Variants in MACROD2 observed in about 807,000 individuals in gnomAD.
MACROD2 encodes mono-ADP ribosylhydrolase 2, also known as ADP-ribose glycohydrolase MACROD2.
A neutral mutation model predicts 70.4 loss-of-function variants in MACROD2; 36 were observed. The ratio of observed to expected loss-of-function variants is 0.51; its 90% CI spans 0.39 to 0.68. MACROD2 has a LOEUF of 0.68. Ranked by LOEUF, MACROD2 falls within the 30% of genes least tolerant of loss-of-function variation. The probability of loss-of-function intolerance (pLI) is 0.00; values close to 1 mark genes in which losing one functional copy is unlikely to be tolerated. For missense variants in MACROD2, 496 were observed against 538.4 expected (o/e 0.92, Z 0.78); for synonymous variants, 172 against 178.8 (o/e 0.96, Z 0.30).
Position 14,256,699 on chromosome 20 carries a change from C to A in MACROD2, c.271+170971C>A, listed in dbSNP as rs567768922. Among the ~76,000 whole-genome samples the A allele has an allele frequency of 4.6e-5, 7 of 152,198 alleles. No individual in the cohort carries two copies. The South Asian group carries it at 1.5e-3, about 32-fold the overall frequency. ...GGAAAGTTTCTTGTGTCTAGTCTTT[C>A]CTATTTGTTAGGCCATAAACTTTCA... On this transcript the variant is annotated intron_variant, in intron 3 of 17. Coordinates refer to ENST00000684519, the MANE Select transcript of MACROD2 (RefSeq NM_001351661.2).
chr20:15,452,995 T>TA (rs747674270), intron 7 of MACROD2, among the ~76,000 whole-genome samples: 4 of 152,152 alleles, frequency 2.6e-5, no homozygotes, highest in African/African-American at 4.8e-5. Context: ...GGAGAGGATT[T>TA]GAGGTCCAAA....
At chr20:14,832,216 G>A (rs892208019) in intron 5 of MACROD2, among the ~76,000 whole-genome samples, 5 of 151,436 alleles carry the variant, frequency 3.3e-5, no homozygotes, top group Non-Finnish European at 7.4e-5. Context: ...CTAATTTTTT[G>A]TATTTTTTTA....
At position 15,200,428 on chromosome 20, in the gene MACROD2, G is replaced by T. The variant is rs142062033; in HGVS notation, c.419-29512G>T. 1.2e-3 allele frequency among the ~76,000 whole-genome samples: 183 copies of T among 152,296 alleles called. No homozygotes were observed. The South Asian group carries it at 0.013, about 11-fold the overall frequency. On this transcript the variant is annotated intron_variant, in intron 5 of 17. Transcript: ENST00000684519. ...GTGAGAAAAGATCAAATCACTGTTA[G>T]TAGCTGCAGAGGCTTTAAAAGACTC... is the stretch of plus-strand genomic sequence containing the variant.
intron 3 of MACROD2, among the ~76,000 whole-genome samples, chr20:14,362,285 T>C (rs894808795): frequency 1.3e-5 from 2 of 152,226 alleles, no homozygotes; most frequent in African/African-American, 4.8e-5. Flanking sequence ...CCTACTTTTA[T>C]AGATGAGAAA....
Position 14,433,951 on chromosome 20 carries a change from C to T in MACROD2, c.272-59528C>T, listed in dbSNP as rs553094973. Among the ~76,000 whole-genome samples the T allele has an allele frequency of 2.0e-5, 3 of 152,120 alleles. No individual in the cohort carries two copies. In the South Asian group the frequency reaches 6.2e-4, roughly 32 times the overall value. ...TTGCAATAATATGGCACAAAATAAA[C>T]AATTCTTTTAACCATGGTCATATAT... On this transcript the variant is annotated intron_variant, in intron 3 of 17. Coordinates refer to ENST00000684519, the MANE Select transcript of MACROD2 (RefSeq NM_001351661.2).
chr20:14,800,426 T>C (rs2072560595), intron 5 of MACROD2, among the ~76,000 whole-genome samples: 1 of 152,124 alleles, frequency 6.6e-6, no homozygotes, highest in Admixed American at 6.6e-5. Context: ...ATTAAATTAG[T>C]TTGCCCAGAT....
At chr20:14,174,659 A>G (rs1439144291) in intron 3 of MACROD2, among the ~76,000 whole-genome samples, 5 of 152,068 alleles carry the variant, frequency 3.3e-5, no homozygotes, top group Non-Finnish European at 7.4e-5. Context: ...TGCTGTGTCT[A>G]TACACGTGAT....
chr20:14,143,928 T>C (rs1418711244), intron 3 of MACROD2, among the ~76,000 whole-genome samples: 1 of 152,174 alleles, frequency 6.6e-6, no homozygotes. Context: ...TAAGGTTCCT[T>C]TCAAAGTCAA....
chr20:14,495,522 T>A (rs2084843838), intron 4 of MACROD2, among the ~76,000 whole-genome samples: 1 of 152,128 alleles, frequency 6.6e-6, no homozygotes, highest in Non-Finnish European at 1.5e-5. Context: ...TCAGAAAAAA[T>A]TACCGTTCTG....
rs1200468740 is a variant in MACROD2 at position 14,776,323 on chromosome 20, A to T, written c.418+91364A>T. On this transcript the variant is annotated intron_variant, in intron 5 of 17. Coordinates refer to ENST00000684519, the MANE Select transcript of MACROD2 (RefSeq NM_001351661.2). ...GGTCTCCTAACAACTTGACATGAGT[A>T]GTTTAATATGTTGAAACTTCAGTTT... 1.3e-5 allele frequency among the ~76,000 whole-genome samples: 2 copies of T among 152,060 alleles called. 1 individual carries two copies. Among genetic ancestry groups the T allele is most frequent in the Non-Finnish European group, 2.9e-5 (2 of 68,012 alleles).
chr20:14,793,493 T>C (rs2072474550), intron 5 of MACROD2, among the ~76,000 whole-genome samples: 1 of 151,816 alleles, frequency 6.6e-6, no homozygotes, highest in African/African-American at 2.4e-5. Context: ...TTTAGTTCTC[T>C]TCTGTGTCAT....
intron 5 of MACROD2, among the ~76,000 whole-genome samples, chr20:15,188,797 C>T (rs2076550544): frequency 1.3e-5 from 2 of 152,100 alleles, no homozygotes; most frequent in Admixed American, 1.3e-4. Flanking sequence ...ATCTGCTTGG[C>T]AATTTGTAAT....
chr20:14,990,515 CTTTT>C (rs541686087), intron 5 of MACROD2, among the ~76,000 whole-genome samples: 1 of 129,354 alleles, frequency 7.7e-6, no homozygotes, highest in Admixed American at 8.0e-5. Context: ...TTTTCTTTTT[CTTTT>C]TTTTTTTTTT....
intron 3 of MACROD2, among the ~76,000 whole-genome samples, chr20:14,153,326 G>A (rs1420245261): frequency 6.6e-6 from 1 of 152,182 alleles, no homozygotes; most frequent in Admixed American, 6.5e-5. Flanking sequence ...GTCCTAGTGG[G>A]TGTCAGGTAA....
intron 8 of MACROD2, among the ~76,000 whole-genome samples, chr20:15,590,546 A>G (rs887450949): frequency 6.6e-6 from 1 of 152,214 alleles, no homozygotes; most frequent in African/African-American, 2.4e-5. Flanking sequence ...TGCAGTCAAC[A>G]TGAATTTCTA....
At chr20:15,582,769 C>T (rs2048543290) in intron 8 of MACROD2, among the ~76,000 whole-genome samples, 1 of 152,168 alleles carries the variant, frequency 6.6e-6, no homozygotes, top group East Asian at 1.9e-4. Flanking sequence ...CCTGAGACAT[C>T]ACCAAGGTTT....
intron 15 of MACROD2, among the ~76,000 whole-genome samples, chr20:16,030,719 C>T (rs1003605224): frequency 6.6e-6 from 1 of 151,970 alleles, no homozygotes; most frequent in African/African-American, 2.4e-5. Context: ...CAGCAAAGAC[C>T]AAATTACTGA....
intron 3 of MACROD2, among the ~76,000 whole-genome samples, chr20:14,423,755 A>AT (rs1165796772): frequency 0.042 from 2,626 of 62,924 alleles, 75 homozygotes; most frequent in African/African-American, 0.086. Context: ...GACATCTTAA[A>AT]TTTTTTTTTT....
intron 5 of MACROD2, among the ~76,000 whole-genome samples, chr20:15,035,624 A>G (rs2075306961): frequency 1.3e-5 from 2 of 152,098 alleles, no homozygotes; most frequent in Admixed American, 1.3e-4. Flanking sequence ...ATGGTCACTG[A>G]GGCTCCTACT....
Sources: allele counts gnomAD v4.1 joint callset (sites outside exome capture counted in the v4.1 genomes callset), GRCh38; gene constraint gnomAD v4.1.1; transcripts MANE v1.5; gene names NCBI Gene and HGNC (gene_info 2026-07-23, HGNC 2026-07-21).